Variants in PCDHA11 observed in about 807,000 individuals in gnomAD.
PCDHA11 encodes the protein protocadherin alpha 11.
Under a neutral mutation model 70.3 loss-of-function variants are expected in PCDHA11, and 61 were observed. That is an observed-to-expected ratio of 0.87 (90% confidence interval 0.71 to 1.07). The LOEUF (loss-of-function observed/expected upper bound fraction) is 1.07, where lower values mean the gene tolerates loss of function less well. Ranked by LOEUF, PCDHA11 falls within the 50% of genes least tolerant of loss-of-function variation. PCDHA11 has a pLI of 0.00. For synonymous variants in PCDHA11, 633 were observed against 555.1 expected, an observed-to-expected ratio of 1.14 and a Z score of -1.97; for missense variants, 1,324 against 1,237.5, an observed-to-expected ratio of 1.07 and a Z score of -1.05.
intron 1 of PCDHA11, among the ~76,000 whole-genome samples, chr5:140,946,700 G>T (rs2094011625): frequency 6.7e-6 from 1 of 148,322 alleles, no homozygotes; most frequent in African/African-American, 2.5e-5. Flanking sequence ...GGATGAATCT[G>T]GAGGTCATTA....
chr5:140,968,232 G>T, intron 1 of PCDHA11: 2 of 1,613,990 alleles, frequency 1.2e-6, no homozygotes, highest in Non-Finnish European at 1.7e-6. Context: ...GTGTTGCTCT[G>T]TACTGTGCAA....
At chr5:140,885,677 T>C (rs1554182236) in intron 1 of PCDHA11, among the ~76,000 whole-genome samples, 1 of 152,208 alleles carries the variant, frequency 6.6e-6, no homozygotes, top group African/African-American at 2.4e-5. Context: ...ACTCTTTCTA[T>C]CTCAAGAAGC....
At position 140,871,144 on chromosome 5, in the gene PCDHA11, A is replaced by T. The variant is rs1554165205; in HGVS notation, c.2041A>T (p.Thr681Ser). The T allele has an allele frequency of 6.2e-7, 1 of 1,613,222 alleles. No homozygotes were observed. Among genetic ancestry groups the T allele is most frequent in the African/African-American group, 1.3e-5 (1 of 74,902 alleles). The change falls in exon 1 of 4, where the codon ACT (threonine) becomes TCT (serine). Residue 681 changes from threonine (T) to serine (S), a missense_variant. Physicochemically the swap from Thr to Ser is moderately conservative, Grantham distance 58. Coordinates refer to ENST00000398640, the MANE Select transcript of PCDHA11 (RefSeq NM_018902.5). ...ACAGGCGCCAAAGGCCTCTTCCCGG[A>T]CTTTGGCGGGCGCCGCGAGCCCAGA... ...SGQAPKASSR[T>S]LAGAASPEAA... is the part of the protein sequence containing the mutation.
chr5:140,870,085 C>T lies in PCDHA11; in HGVS notation c.982C>T (p.Pro328Ser), dbSNP rs200687541. ...ACAGGCTACAGATAAGGGGACTCCCCCAATGGCAGGTCACTGTACAGTCTG... is the reference window on the plus strand; with the variant it reads ...ACAGGCTACAGATAAGGGGACTCCCTCAATGGCAGGTCACTGTACAGTCTG... Reference protein sequence around the residue: ...EVQATDKGTPPMAGHCTVWVE... With the variant: ...EVQATDKGTPSMAGHCTVWVE... Residue 328 changes from proline to serine, a missense_variant, in exon 1 of 4, where the codon CCA becomes TCA. By Grantham distance (74) the Pro-to-Ser change is moderately conservative. Coordinates refer to ENST00000398640, the MANE Select transcript of PCDHA11 (RefSeq NM_018902.5). 1.7e-4 allele frequency: 271 copies of T among 1,613,744 alleles called. No homozygotes were observed. The highest frequency in any genetic ancestry group is 1.8e-4 in the Non-Finnish European group (215 of 1,179,872).
At position 141,011,086 on chromosome 5, in the gene PCDHA11, C is replaced by T. The variant is rs1181884726; in HGVS notation, c.*1149C>T. The T allele has an allele frequency of 2.6e-5, 4 of 153,678 alleles. No homozygotes were observed. Among genetic ancestry groups the T allele is most frequent in the African/African-American group, 9.7e-5 (4 of 41,430 alleles). The allele number at this position is 153,678 out of a possible 1,614,324, so 9.5% of individuals were successfully genotyped here. On this transcript the variant is annotated 3_prime_UTR_variant, in exon 4 of 4. Coordinates refer to ENST00000398640, the MANE Select transcript of PCDHA11 (RefSeq NM_018902.5). ...TGTATTACTAAATAAAATGATCTCT[C>T]TTTCTCTCTCTCTCTCTCTTTTCTA...
At chr5:140,937,386 G>T (rs1450799946) in intron 1 of PCDHA11, among the ~76,000 whole-genome samples, 2 of 152,092 alleles carry the variant, frequency 1.3e-5, no homozygotes, top group African/African-American at 4.8e-5. Context: ...GTGTGTATGT[G>T]TATATAGGGG....
chr5:140,980,856 G>GT (rs2096908809), intron 2 of PCDHA11, among the ~76,000 whole-genome samples: 1 of 151,886 alleles, frequency 6.6e-6, no homozygotes, highest in Admixed American at 6.6e-5. Context: ...AATCTTTTTC[G>GT]TATGTGTGCT....
intron 1 of PCDHA11, among the ~76,000 whole-genome samples, chr5:140,923,810 T>C (rs1433569913): frequency 6.6e-6 from 1 of 152,202 alleles, no homozygotes; most frequent in Non-Finnish European, 1.5e-5. Flanking sequence ...TGAAATCTTC[T>C]GAAAATAGAC....
At chr5:140,876,131 C>G in intron 1 of PCDHA11, 3 of 1,613,872 alleles carry the variant, frequency 1.9e-6, no homozygotes, top group Non-Finnish European at 2.5e-6. Context: ...GGCGGTAAAC[C>G]AGAACTAACA....
At position 140,950,434 on chromosome 5, in the gene PCDHA11, A is replaced by G. The variant is rs554490421; in HGVS notation, c.2392-28515A>G. Among the ~76,000 whole-genome samples, 4 of 152,176 alleles carry G rather than the reference A, an allele frequency of 2.6e-5. No homozygotes were observed. The South Asian group carries it at 8.3e-4, about 32-fold the overall frequency. On this transcript the variant is annotated intron_variant, in intron 1 of 3. Transcript: ENST00000398640. ...AGATTTTATTTTCTTCCACTTAAAA[A>G]AAATGTTATTCTACTGTCTTCTAAT...
At chr5:140,995,214 CTCT>C (rs1563606225) in intron 3 of PCDHA11, among the ~76,000 whole-genome samples, 1 of 152,136 alleles carries the variant, frequency 6.6e-6, no homozygotes, top group East Asian at 1.9e-4. Flanking sequence ...AGGCACAATA[CTCT>C]TGTGCTTTGG....
At chr5:140,967,978 G>A in intron 1 of PCDHA11, 5 of 1,614,206 alleles carry the variant, frequency 3.1e-6, no homozygotes, top group Non-Finnish European at 3.4e-6. Flanking sequence ...GCCTGGGTCT[G>A]GAGGCCACAC....
At position 140,869,236 on chromosome 5, in the gene PCDHA11, G is replaced by C. The variant is rs781873875; in HGVS notation, c.133G>C (p.Val45Leu). Reference protein sequence around the residue: ...VSEEAKHGTFVGRIAQDLGLE... With the variant: ...VSEEAKHGTFLGRIAQDLGLE... ...GGAGGAGGCCAAACACGGCACCTTC[G>C]TGGGCCGCATCGCGCAGGACCTGGG... The change falls in exon 1 of 4, where the codon GTG (valine) becomes CTG (leucine). Residue 45 changes from valine (V) to leucine (L), a missense_variant. By Grantham distance (32) the Val-to-Leu change is conservative. Coordinates refer to ENST00000398640, the MANE Select transcript of PCDHA11 (RefSeq NM_018902.5). 1.2e-6 allele frequency: 2 copies of C among 1,613,674 alleles called. No homozygotes were observed. Among genetic ancestry groups the C allele is most frequent in the South Asian group, 2.2e-5 (2 of 91,060 alleles).
intron 1 of PCDHA11, among the ~76,000 whole-genome samples, chr5:140,972,660 A>ATTT (rs11350929): frequency 1.0e-4 from 12 of 117,258 alleles, no homozygotes; most frequent in Non-Finnish European, 1.7e-4. Flanking sequence ...AAGAAACCAA[A>ATTT]TTTTTTTTTT....
chr5:140,951,793 C>G (rs536005204), intron 1 of PCDHA11, among the ~76,000 whole-genome samples: 1 of 152,126 alleles, frequency 6.6e-6, no homozygotes, highest in African/African-American at 2.4e-5. Flanking sequence ...ATACAATTAT[C>G]CCTTCCCAAT....
intron 1 of PCDHA11, chr5:140,927,766 GAGGTGCA>G: frequency 6.2e-7 from 1 of 1,614,234 alleles, no homozygotes. Context: ...TAAAAGTGGG[GAGGTGCA>G]AGTAGCTGCT....
chr5:140,904,423 T>TTA (rs1304104435), intron 1 of PCDHA11, among the ~76,000 whole-genome samples: 1 of 151,090 alleles, frequency 6.6e-6, no homozygotes. Flanking sequence ...TACATATATT[T>TTA]TATATATATG....
chr5:140,982,789 G>A (rs894929116), intron 3 of PCDHA11, among the ~76,000 whole-genome samples: 3 of 151,400 alleles, frequency 2.0e-5, no homozygotes, highest in Admixed American at 6.5e-5. Context: ...GTGCACGCAT[G>A]TGTGCATGTG....
chr5:140,959,347 C>T (rs561977478), intron 1 of PCDHA11, among the ~76,000 whole-genome samples: 4 of 151,938 alleles, frequency 2.6e-5, no homozygotes, highest in Admixed American at 6.6e-5. Context: ...TGCACTCCAG[C>T]GGGACAACTG....
Sources: gnomAD v4.1 joint callset for allele counts (sites outside exome capture counted in the v4.1 genomes callset) on GRCh38, gnomAD v4.1.1 for gene constraint, MANE v1.5 for transcripts, NCBI Gene and HGNC (gene_info 2026-07-23, HGNC 2026-07-21) for gene names.